The following ALCAM variants were observed in gnomAD, a reference collection of about 807,000 sequenced individuals.
ALCAM encodes the protein CD166 antigen.
Under a neutral mutation model 70.9 loss-of-function variants are expected in ALCAM, and 30 were observed. That is an observed-to-expected ratio of 0.42 (90% CI 0.32 to 0.57). The LOEUF is 0.57. Ranked by LOEUF, ALCAM falls within the 20% of genes least tolerant of loss-of-function variation. The probability of loss-of-function intolerance (pLI) is 0.11; values close to 1 mark genes in which losing one functional copy is unlikely to be tolerated. For missense variants in ALCAM, 591 were observed against 695.1 expected (o/e 0.85, Z 1.68); for synonymous variants, 249 against 242.5 (o/e 1.03, Z -0.25).
In ALCAM at chr3:105,552,527, C is replaced by T. The variant is rs1457246922; in HGVS notation, c.1606C>T (p.Leu536Phe). ...AKLIVGIVVG[L>F]LLAALVAGVV... The stretch of plus-strand genomic sequence containing the variant: ...ACTAATTGTGGGAATCGTTGTTGGT[C>T]TCCTCCTTGCTGCCCTTGTTGCTGG... The change falls in exon 14 of 16, where the codon CTC becomes TTC. Residue 536 changes from leucine (L) to phenylalanine (F), a missense_variant. Coordinates refer to ENST00000306107, the MANE Select transcript of ALCAM (RefSeq NM_001627.4). The T allele has an allele frequency of 6.2e-7, 1 of 1,611,800 alleles. No individual in the cohort carries two copies. Among genetic ancestry groups the T allele is most frequent in the Non-Finnish European group, 8.5e-7 (1 of 1,178,404 alleles).
intron 1 of ALCAM, among the ~76,000 whole-genome samples, chr3:105,419,397 A>G (rs1936588676): frequency 6.6e-6 from 1 of 151,862 alleles, no homozygotes; most frequent in Admixed American, 6.6e-5. Flanking sequence ...AATAAAAGTG[A>G]AAACAAAGAA....
chr3:105,507,386 C>A (rs1029773179), intron 1 of ALCAM, among the ~76,000 whole-genome samples: 12 of 152,124 alleles, frequency 7.9e-5, no homozygotes, highest in African/African-American at 2.4e-4. Flanking sequence ...AGAATAATTT[C>A]ACTGCCCTAA....
intron 1 of ALCAM, among the ~76,000 whole-genome samples, chr3:105,389,414 G>A (rs1324593459): frequency 2.8e-5 from 3 of 106,854 alleles, no homozygotes; most frequent in African/African-American, 1.1e-4. Context: ...AAACACACAG[G>A]AACCTTAATA....
rs543016990 is a variant in ALCAM, at chr3:105,376,608, G to A, written c.73+9127G>A. Among the ~76,000 whole-genome samples, 81 of 152,216 alleles carry A rather than the reference G, an allele frequency of 5.3e-4. No individual in the cohort carries two copies. The South Asian group carries it at 0.016, about 31-fold the overall frequency. On this transcript the variant is annotated intron_variant, in intron 1 of 15. Transcript: ENST00000306107. ...ACTCAAAGATGTTATGTTCTCTCAGGGAAACAGATATCAATTAATTAACTA... is the reference window on the plus strand; with the variant it reads ...ACTCAAAGATGTTATGTTCTCTCAGAGAAACAGATATCAATTAATTAACTA...
intron 1 of ALCAM, among the ~76,000 whole-genome samples, chr3:105,517,985 T>C (rs561707947): frequency 6.6e-6 from 1 of 152,106 alleles, no homozygotes; most frequent in Non-Finnish European, 1.5e-5. Context: ...CACTATGTAT[T>C]TGAAATTCAT....
intron 3 of ALCAM, among the ~76,000 whole-genome samples, chr3:105,525,857 T>C (rs910231567): frequency 2.6e-5 from 4 of 152,218 alleles, no homozygotes; most frequent in Admixed American, 2.6e-4. Flanking sequence ...TCGATCGTTG[T>C]ATGAATCAAA....
chr3:105,457,253 G>T (rs1937545561), intron 1 of ALCAM, among the ~76,000 whole-genome samples: 1 of 152,094 alleles, frequency 6.6e-6, no homozygotes, highest in Non-Finnish European at 1.5e-5. Flanking sequence ...TGGCTGCATG[G>T]TATTCCATGG....
intron 3 of ALCAM, among the ~76,000 whole-genome samples, chr3:105,527,958 G>A (rs1939748865): frequency 6.6e-6 from 1 of 152,116 alleles, no homozygotes; most frequent in Non-Finnish European, 1.5e-5. Flanking sequence ...TTAACAATGA[G>A]ATCTACACCA....
intron 1 of ALCAM, among the ~76,000 whole-genome samples, chr3:105,389,514 T>C (rs758497700): frequency 2.7e-4 from 41 of 151,238 alleles, no homozygotes; most frequent in Non-Finnish European, 5.2e-4. Flanking sequence ...GATTTGAATA[T>C]TTATAATGTG....
intron 1 of ALCAM, among the ~76,000 whole-genome samples, chr3:105,455,435 C>A (rs1937523350): frequency 9.3e-6 from 1 of 107,178 alleles, no homozygotes; most frequent in Non-Finnish European, 1.9e-5. Flanking sequence ...GAGTGCGACA[C>A]CGTCTCAAAA....
intron 14 of ALCAM, chr3:105,553,253 C>G (rs1007048434): frequency 2.6e-6 from 1 of 382,762 alleles, no homozygotes; most frequent in South Asian, 1.1e-4. Context: ...TCCGATGAAC[C>G]AGCGAAGATT....
chr3:105,471,051 A>T (rs1283113979), intron 1 of ALCAM, among the ~76,000 whole-genome samples: 1 of 151,332 alleles, frequency 6.6e-6, no homozygotes, highest in Admixed American at 6.6e-5. Flanking sequence ...CTCAACTTCA[A>T]CTGCCAAAAA....
At chr3:105,531,538 G>A (rs868326234) in intron 3 of ALCAM, among the ~76,000 whole-genome samples, 6 of 151,072 alleles carry the variant, frequency 4.0e-5, no homozygotes, top group Admixed American at 1.3e-4. Context: ...TTTTTTTCAG[G>A]AATTCTGATT....
chr3:105,524,660 A>G, intron 3 of ALCAM, 152 bp downstream of exon 3: 1 of 1,357,332 alleles, frequency 7.4e-7, no homozygotes, highest in Non-Finnish European at 9.5e-7. Flanking sequence ...GCTCATATAT[A>G]CTATCAGCAA....
At chr3:105,444,694 C>T (rs1937256055) in intron 1 of ALCAM, among the ~76,000 whole-genome samples, 1 of 152,092 alleles carries the variant, frequency 6.6e-6, no homozygotes, top group African/African-American at 2.4e-5. Flanking sequence ...ACAATTAGAA[C>T]CAAAATGCTT....
At chr3:105,461,521 G>T (rs911198153) in intron 1 of ALCAM, among the ~76,000 whole-genome samples, 2 of 151,792 alleles carry the variant, frequency 1.3e-5, no homozygotes, top group African/African-American at 4.8e-5. Flanking sequence ...GGATAAACTT[G>T]TAAGTATTCT....
At chr3:105,541,555 C>G in intron 7 of ALCAM, 78 bp from the exon 8 acceptor site, 1 of 1,443,404 alleles carries the variant, frequency 6.9e-7, no homozygotes, top group Admixed American at 2.0e-5. Context: ...TGATAAAATG[C>G]TATCTTCATC....
chr3:105,525,743 A>G (rs1939688788), intron 3 of ALCAM, among the ~76,000 whole-genome samples: 2 of 152,180 alleles, frequency 1.3e-5, no homozygotes, highest in South Asian at 4.1e-4. Context: ...TATACTATCA[A>G]AGGAAACCTT....
chr3:105,506,537 C>T lies in ALCAM; in HGVS notation c.74-13530C>T, dbSNP rs534041175. On this transcript the variant is annotated intron_variant, in intron 1 of 15. Transcript: ENST00000306107. ...CTAAATACATGATATAATCTGAAGC[C>T]CTGCTAGGACTCTTACAGCTCGTCT... is the stretch of plus-strand genomic sequence containing the variant. 2.6e-5 allele frequency among the ~76,000 whole-genome samples: 4 copies of T among 152,220 alleles called. No homozygotes were observed. In the East Asian group the frequency reaches 7.7e-4, roughly 29 times the overall value.
Sources: allele counts gnomAD v4.1 joint callset (sites outside exome capture counted in the v4.1 genomes callset), GRCh38; gene constraint gnomAD v4.1.1; transcripts MANE v1.5; gene names NCBI Gene and HGNC (gene_info 2026-07-23, HGNC 2026-07-21).